RPTOR: variants seen among roughly 807,000 people sequenced by gnomAD.
RPTOR encodes the protein regulatory-associated protein of mTOR.
RPTOR carries 21 observed loss-of-function variants against 169.9 expected under a neutral mutation model. The ratio of observed to expected loss-of-function variants is 0.12; its 90% CI spans 0.09 to 0.18. RPTOR has a LOEUF of 0.18. Among genes scored for constraint, RPTOR ranks in the 10% least tolerant of loss-of-function variants. RPTOR has a pLI of 1.00. For synonymous variants in RPTOR, 732 were observed against 753.2 expected (o/e 0.97, Z 0.46); for missense variants, 1,133 against 1,855.9 (o/e 0.61, Z 7.16).
chr17:80,804,370 T>C (rs534602776), intron 7 of RPTOR: 2 of 152,364 alleles, frequency 1.3e-5, no homozygotes, highest in African/African-American at 4.8e-5. Flanking sequence ...ACAGATTTAG[T>C]GTGGCTGCGT....
rs2066655748 is a variant in RPTOR at position 80,754,003 on chromosome 17, C to G, written c.655-7C>G. The G allele has an allele frequency of 6.2e-7, 1 of 1,610,480 alleles. No individual in the cohort carries two copies. Among genetic ancestry groups the G allele is most frequent in the Admixed American group, 1.7e-5 (1 of 59,890 alleles). The stretch of plus-strand genomic sequence containing the variant: ...CACTCTCTTTTCCCGAATGTTCTGC[C>G]CTTCAGGTAGCTGCAATCAACCCAA... On this transcript the variant is annotated splice_region_variant and splice_polypyrimidine_tract_variant and intron_variant, in intron 5 of 33. Coordinates refer to ENST00000306801, the MANE Select transcript of RPTOR (RefSeq NM_020761.3). The surrounding 1 kb of genome is among the most constrained non-coding windows in gnomAD (Gnocchi z 4.2).
chr17:80,636,715 A>G (rs972551732), intron 2 of RPTOR, among the ~76,000 whole-genome samples: 2 of 150,558 alleles, frequency 1.3e-5, no homozygotes, highest in Admixed American at 1.3e-4. Context: ...GATCACCCAC[A>G]CCCCCGCAAC....
At chr17:80,620,552 G>A (rs2065346753) in intron 1 of RPTOR, among the ~76,000 whole-genome samples, 1 of 152,174 alleles carries the variant, frequency 6.6e-6, no homozygotes, top group East Asian at 1.9e-4. Flanking sequence ...ATCACCCGAG[G>A]TCAGGAGTTC....
At chr17:80,566,675 T>C (rs557993206) in intron 1 of RPTOR, among the ~76,000 whole-genome samples, 8 of 151,138 alleles carry the variant, frequency 5.3e-5, no homozygotes, top group African/African-American at 1.9e-4. Context: ...AAAAAAAAAA[T>C]TAGCCCAGTG....
intron 6 of RPTOR, among the ~76,000 whole-genome samples, chr17:80,771,689 A>C (rs2066844790): frequency 8.1e-6 from 1 of 122,736 alleles, no homozygotes; most frequent in South Asian, 2.8e-4. Context: ...TGCTGCCTCC[A>C]TTCAGACTTG....
chr17:80,597,642 C>T (rs1217631479), intron 1 of RPTOR, among the ~76,000 whole-genome samples: 1 of 151,432 alleles, frequency 6.6e-6, no homozygotes, highest in Admixed American at 6.6e-5. Context: ...ACCTAGGTAG[C>T]TGGAACTACA....
intron 1 of RPTOR, among the ~76,000 whole-genome samples, chr17:80,573,954 G>A (rs2064933718): frequency 1.3e-5 from 2 of 152,144 alleles, no homozygotes; most frequent in Non-Finnish European, 2.9e-5. Context: ...ACAGCTGTCT[G>A]CCCACATGCC....
intron 7 of RPTOR, among the ~76,000 whole-genome samples, chr17:80,809,135 A>G (rs2143568149): frequency 6.6e-6 from 1 of 152,372 alleles, no homozygotes; most frequent in South Asian, 2.1e-4. Context: ...CAGTAACAAC[A>G]GCGTGCCAGT....
chr17:80,662,384 T>G (rs979181452), intron 3 of RPTOR, among the ~76,000 whole-genome samples: 3 of 151,134 alleles, frequency 2.0e-5, no homozygotes, highest in Non-Finnish European at 4.4e-5. Context: ...AGGACGGGAG[T>G]TTTATTATTA....
At chr17:80,795,854 G>A (rs987128950) in intron 7 of RPTOR, among the ~76,000 whole-genome samples, 6 of 152,204 alleles carry the variant, frequency 3.9e-5, no homozygotes, top group Non-Finnish European at 8.8e-5. Context: ...TTGGCTCTCA[G>A]CCCGTGTCCG....
chr17:80,794,616 T>C (rs2067082706), intron 7 of RPTOR, among the ~76,000 whole-genome samples: 1 of 152,200 alleles, frequency 6.6e-6, no homozygotes, highest in African/African-American at 2.4e-5. Flanking sequence ...TGCGTGAATG[T>C]TTACGGTAGC....
At chr17:80,665,336 T>TTC (rs1567845871) in intron 3 of RPTOR, among the ~76,000 whole-genome samples, 55 of 7,814 alleles carry the variant, frequency 7.0e-3, no homozygotes, top group East Asian at 0.038. Context: ...CTTTTCCCTT[T>TTC]CCTTTCCTTT....
intron 13 of RPTOR, among the ~76,000 whole-genome samples, chr17:80,858,825 A>C (rs557280600): frequency 6.6e-6 from 1 of 152,194 alleles, no homozygotes; most frequent in African/African-American, 2.4e-5. Flanking sequence ...GGGAGGCCCC[A>C]TCCACGCAGA....
intron 28 of RPTOR, among the ~76,000 whole-genome samples, chr17:80,950,460 T>G (rs1441538373): frequency 6.6e-6 from 1 of 151,938 alleles, no homozygotes; most frequent in Non-Finnish European, 1.5e-5. Context: ...CCTCGGGACG[T>G]CATGGGGGCA....
chr17:80,913,087 C>T (rs761410161), intron 21 of RPTOR, among the ~76,000 whole-genome samples: 1 of 152,162 alleles, frequency 6.6e-6, no homozygotes, highest in South Asian at 2.1e-4. Context: ...GCTACTAAAG[C>T]ATTTGGAAGC....
intron 3 of RPTOR, among the ~76,000 whole-genome samples, chr17:80,657,736 G>T (rs1222466082): frequency 6.6e-6 from 1 of 152,122 alleles, no homozygotes; most frequent in Non-Finnish European, 1.5e-5. Context: ...TTATTTACTG[G>T]ATAGGGGAGT....
rs754837363 is a variant in RPTOR at position 80,962,555 on chromosome 17, C to A, written c.3787C>A (p.Pro1263Thr). The A allele has an allele frequency of 6.2e-7, 1 of 1,613,670 alleles. No individual in the cohort carries two copies. Among genetic ancestry groups the A allele is most frequent in the South Asian group, 1.1e-5 (1 of 91,076 alleles). ...VKGLTALDIH[P>T]QADLIACGSV... is the part of the protein sequence containing the mutation. The stretch of plus-strand genomic sequence containing the variant: ...GGGGCTGACGGCCCTGGACATCCAC[C>A]CCCAGGCGGACCTGATCGCATGGTA... Residue 1263 changes from proline (P) to threonine (T), a missense_variant, in exon 32 of 34, where the codon CCC (proline) becomes ACC (threonine). By Grantham distance (38) the Pro-to-Thr change is conservative. Coordinates refer to ENST00000306801, the MANE Select transcript of RPTOR (RefSeq NM_020761.3).
chr17:80,570,726 G>C (rs202174431), intron 1 of RPTOR, among the ~76,000 whole-genome samples: 1 of 152,172 alleles, frequency 6.6e-6, no homozygotes, highest in Non-Finnish European at 1.5e-5. Flanking sequence ...CTCCCAAAGT[G>C]CTGGGATTAC....
chr17:80,623,493 G>A (rs923450385), intron 1 of RPTOR, among the ~76,000 whole-genome samples: 1 of 152,006 alleles, frequency 6.6e-6, no homozygotes, highest in Non-Finnish European at 1.5e-5. Context: ...TCAAATCAGA[G>A]TAATTGAGAT....
Sources: gnomAD v4.1 joint callset for allele counts (sites outside exome capture counted in the v4.1 genomes callset) on GRCh38, gnomAD v4.1.1 for gene constraint, Gnocchi (gnomAD v3.1) non-coding constraint, MANE v1.5 for transcripts, NCBI Gene and HGNC (gene_info 2026-07-23, HGNC 2026-07-21) for gene names.